PLB1: variants seen among roughly 807,000 people sequenced by gnomAD.
PLB1 encodes the protein phospholipase B1, also known as phospholipase B1, membrane-associated.
A neutral mutation model predicts 227.4 loss-of-function variants in PLB1; 242 were observed. The ratio of observed to expected loss-of-function variants is 1.06; its 90% CI spans 0.96 to 1.18. The LOEUF (loss-of-function observed/expected upper bound fraction) is 1.18. Ranked by LOEUF, PLB1 falls within the 50% of genes most tolerant of loss-of-function variation. PLB1 has a pLI of 0.00. For synonymous variants in PLB1, 757 were observed against 682.2 expected, an observed-to-expected ratio of 1.11 and a Z score of -1.71; for missense variants, 1,858 against 1,816.3, an observed-to-expected ratio of 1.02 and a Z score of -0.42.
chr2:28,609,586 T>G (rs1685154499), intron 43 of PLB1, among the ~76,000 whole-genome samples: 1 of 152,204 alleles, frequency 6.6e-6, no homozygotes, highest in South Asian at 2.1e-4. Context: ...GACATTGTTA[T>G]CTTTTTGACG....
intron 1 of PLB1, among the ~76,000 whole-genome samples, chr2:28,503,290 C>T (rs555184804): frequency 6.6e-6 from 1 of 151,874 alleles, no homozygotes; most frequent in African/African-American, 2.4e-5. Context: ...GTAGCTGGGA[C>T]CACAGGTGCA....
chr2:28,643,134 G>T lies in PLB1; in HGVS notation c.*73G>T. 1 of 1,390,650 alleles carries T rather than the reference G, an allele frequency of 7.2e-7. No individual in the cohort carries two copies. Among genetic ancestry groups the T allele is most frequent in the Non-Finnish European group, 9.6e-7 (1 of 1,039,048 alleles). The allele number at this position is 1,390,650 out of a possible 1,614,324, so 86.1% of individuals were successfully genotyped here. ...ACCGCCCTCTGCCCCAGCCACTCCC[G>T]GCCACCAGGACATGCTTCAATGCCT... On this transcript the variant is annotated 3_prime_UTR_variant, in exon 58 of 58. Coordinates refer to ENST00000327757, the MANE Select transcript of PLB1 (RefSeq NM_153021.5).
chr2:28,521,045 T>G (rs1019676349), intron 4 of PLB1, among the ~76,000 whole-genome samples: 1 of 152,234 alleles, frequency 6.6e-6, no homozygotes, highest in African/African-American at 2.4e-5. Flanking sequence ...AGTATTTGTC[T>G]TTTTGTGACT....
chr2:28,590,720 T>C (rs527429161), intron 29 of PLB1, among the ~76,000 whole-genome samples: 36 of 152,194 alleles, frequency 2.4e-4, no homozygotes, highest in Admixed American at 5.9e-4. Flanking sequence ...TGACTTTTCT[T>C]GCCTGGGCAG....
At chr2:28,522,408 G>A (rs1038150417) in intron 4 of PLB1, among the ~76,000 whole-genome samples, 1 of 152,006 alleles carries the variant, frequency 6.6e-6, no homozygotes, top group Non-Finnish European at 1.5e-5. Flanking sequence ...GGGTGGGGGT[G>A]GAGGGTTACC....
Position 28,538,300 on chromosome 2 carries a change from C to T in PLB1, c.556-19C>T. 1.2e-6 allele frequency: 2 copies of T among 1,614,142 alleles called. No individual in the cohort carries two copies. Among genetic ancestry groups the T allele is most frequent in the Non-Finnish European group, 1.7e-6 (2 of 1,180,036 alleles). On this transcript the variant is annotated intron_variant, in intron 9 of 57. Coordinates refer to ENST00000327757, the MANE Select transcript of PLB1 (RefSeq NM_153021.5). ...TCCTCCTGCAGGCACCCTCACTTAGCACGGTTCTCCTCTCACAGAATGGGC... is the reference window on the plus strand; with the variant it reads ...TCCTCCTGCAGGCACCCTCACTTAGTACGGTTCTCCTCTCACAGAATGGGC...
At chr2:28,575,919 T>G (rs760823526) in intron 21 of PLB1, among the ~76,000 whole-genome samples, 3 of 152,208 alleles carry the variant, frequency 2.0e-5, no homozygotes, top group Non-Finnish European at 4.4e-5. Flanking sequence ...ATTAAAAGGC[T>G]GCAGGTTTAC....
chr2:28,505,547 A>G (rs932767339), intron 1 of PLB1, among the ~76,000 whole-genome samples: 1 of 152,190 alleles, frequency 6.6e-6, no homozygotes, highest in African/African-American at 2.4e-5. Context: ...TTGCCTTGGT[A>G]ACGTACCCAT....
chr2:28,605,951 A>G lies in PLB1; in HGVS notation c.3057+3A>G. On this transcript the variant is annotated splice_donor_region_variant and intron_variant, in intron 42 of 57. Coordinates refer to ENST00000327757, the MANE Select transcript of PLB1 (RefSeq NM_153021.5). ...CCAGAGCCCTTTGGACCAATATGGT[A>G]AAATAAGTGGGGTGTTCCTTGTTCT... The G allele has an allele frequency of 1.3e-6, 2 of 1,596,840 alleles. No individual in the cohort carries two copies. Among genetic ancestry groups the G allele is most frequent in the African/African-American group, 1.3e-5 (1 of 74,612 alleles).
In PLB1 at chr2:28,550,022, C is replaced by A; in HGVS notation, c.1021C>A (p.Leu341Met). The change falls in exon 16 of 58, where the codon CTG becomes ATG. Residue 341 changes from leucine (L) to methionine (M), a missense_variant. Leu to Met is a conservative substitution (Grantham distance 15, BLOSUM62 2). Coordinates refer to ENST00000327757, the MANE Select transcript of PLB1 (RefSeq NM_153021.5). The stretch of plus-strand genomic sequence containing the variant: ...CCTTTCCCTGCAGGAGAGCCCCTAT[C>A]TGTTCAGCTACAGAAACAGCAACTA... The part of the protein sequence containing the change: ...MKCPSQESPY[L>M]FSYRNSNYLT... 6.2e-7 allele frequency: 1 copy of A among 1,613,186 alleles called. No homozygotes were observed. The highest frequency in any genetic ancestry group is 8.5e-7 in the Non-Finnish European group (1 of 1,179,254).
At chr2:28,627,874 G>T (rs577621701) in intron 51 of PLB1, among the ~76,000 whole-genome samples, 2 of 152,090 alleles carry the variant, frequency 1.3e-5, no homozygotes, top group Non-Finnish European at 2.9e-5. Context: ...GTTACCACCC[G>T]CACCCCCACT....
chr2:28,578,907 A>T (rs1679453952), intron 22 of PLB1, among the ~76,000 whole-genome samples: 1 of 115,110 alleles, frequency 8.7e-6, no homozygotes, highest in South Asian at 2.8e-4. Context: ...AGATCAGGGA[A>T]GCAAAGCTAT....
chr2:28,625,639 C>G (rs1352989635), intron 50 of PLB1, among the ~76,000 whole-genome samples: 1 of 152,108 alleles, frequency 6.6e-6, no homozygotes, highest in Non-Finnish European at 1.5e-5. Flanking sequence ...CTTCTCAGTC[C>G]ACGCTGGGCT....
At chr2:28,545,150 CACAG>C (rs1342209838) in intron 14 of PLB1, among the ~76,000 whole-genome samples, 3 of 152,182 alleles carry the variant, frequency 2.0e-5, no homozygotes. Flanking sequence ...AGGCCTGCGA[CACAG>C]AGAGTGTCAC....
Position 28,538,216 on chromosome 2 carries a change from C to A in PLB1, c.556-103C>A, listed in dbSNP as rs1376193371. On this transcript the variant is annotated intron_variant, in intron 9 of 57. Coordinates refer to ENST00000327757, the MANE Select transcript of PLB1 (RefSeq NM_153021.5). ...TGCCAGGTCTAGATGGTGCCTTTGCCTGTGGTCTTGCCTGGCAGGGATGGG... is the reference window on the plus strand; with the variant it reads ...TGCCAGGTCTAGATGGTGCCTTTGCATGTGGTCTTGCCTGGCAGGGATGGG... 4 of 1,400,052 alleles carry A rather than the reference C, an allele frequency of 2.9e-6. No homozygotes were observed. In the East Asian group the frequency reaches 9.3e-5, roughly 33 times the overall value. 86.7% of individuals were successfully genotyped at this position (1,400,052 alleles called of 1,614,324 possible).
intron 32 of PLB1, among the ~76,000 whole-genome samples, chr2:28,593,277 C>T (rs1461838546): frequency 6.6e-6 from 1 of 152,212 alleles, no homozygotes; most frequent in Non-Finnish European, 1.5e-5. Context: ...TAGGAGAGAT[C>T]TGTCCACTGC....
chr2:28,569,354 T>C (rs980437855), intron 20 of PLB1, among the ~76,000 whole-genome samples: 1 of 152,158 alleles, frequency 6.6e-6, no homozygotes, highest in Non-Finnish European at 1.5e-5. Context: ...GGCCCTGGGG[T>C]ATATATAGAC....
chr2:28,536,687 C>T (rs990041832), intron 9 of PLB1, among the ~76,000 whole-genome samples: 7 of 152,180 alleles, frequency 4.6e-5, no homozygotes, highest in African/African-American at 1.7e-4. Context: ...TGGAAATGTA[C>T]AAGTTCATTT....
At position 28,617,800 on chromosome 2, in the gene PLB1, A is replaced by C; in HGVS notation, c.3256+13A>C. On this transcript the variant is annotated intron_variant, in intron 45 of 57. Transcript: ENST00000327757. ...GTTCCAACCTCTGGTGAGTGAAAACATCATCATCTCCTTCAATTAAGGGCC... is the reference window on the plus strand; with the variant it reads ...GTTCCAACCTCTGGTGAGTGAAAACCTCATCATCTCCTTCAATTAAGGGCC... 1 of 1,611,018 alleles carries C rather than the reference A, an allele frequency of 6.2e-7. No individual in the cohort carries two copies. The highest frequency in any genetic ancestry group is 8.5e-7 in the Non-Finnish European group (1 of 1,177,118).
Sources: allele counts gnomAD v4.1 joint callset (sites outside exome capture counted in the v4.1 genomes callset), GRCh38; gene constraint gnomAD v4.1.1; transcripts MANE v1.5; gene names NCBI Gene and HGNC (gene_info 2026-07-23, HGNC 2026-07-21).